SGMS1: variants seen among roughly 807,000 people sequenced by gnomAD.
SGMS1 encodes sphingomyelin synthase 1.
SGMS1 carries 13 observed loss-of-function variants against 46.2 expected under a neutral mutation model. The observed-to-expected ratio is 0.28, with a 90% CI of 0.18 to 0.45. The LOEUF is 0.45. SGMS1 is among the 20% of genes least tolerant of loss of function. The pLI, the probability that SGMS1 is intolerant of heterozygous loss-of-function variation, is 1.00. For missense variants in SGMS1, 324 were observed against 519.9 expected (o/e 0.62, Z 3.66); for synonymous variants, 203 against 187.8 (o/e 1.08, Z -0.66).
intron 2 of SGMS1, among the ~76,000 whole-genome samples, chr10:50,584,429 G>A (rs1838463457): frequency 6.6e-6 from 1 of 150,424 alleles, no homozygotes; most frequent in Non-Finnish European, 1.5e-5. Context: ...AACCCGGGAG[G>A]CAGAGGTTGT....
At position 50,359,930 on chromosome 10, in the gene SGMS1, A is replaced by C. The variant is rs116661467; in HGVS notation, c.-231-15585T>G. Among the ~76,000 whole-genome samples, 823 of 152,314 alleles carry C rather than the reference A, an allele frequency of 5.4e-3. 5 individuals carry two copies. Among genetic ancestry groups the C allele is most frequent in the African/African-American group, 0.019 (807 of 41,574 alleles). Reference sequence around the variant, plus strand: ...TTAACCCTTACCTCTGGGTAATAGAATTATGAAATAAATTTCTGCTTTACT... The same window carrying C: ...TTAACCCTTACCTCTGGGTAATAGACTTATGAAATAAATTTCTGCTTTACT... On this transcript the variant is annotated intron_variant, in intron 6 of 10. Coordinates refer to ENST00000361781, the MANE Select transcript of SGMS1 (RefSeq NM_147156.4).
chr10:50,539,740 C>G (rs113147907), intron 2 of SGMS1, among the ~76,000 whole-genome samples: 20 of 152,282 alleles, frequency 1.3e-4, no homozygotes, highest in African/African-American at 4.8e-4. Flanking sequence ...AAATGAGCAT[C>G]TTCTTCTTGA....
chr10:50,605,380 T>C (rs1247190325), intron 1 of SGMS1, among the ~76,000 whole-genome samples: 2 of 152,148 alleles, frequency 1.3e-5, no homozygotes, highest in Non-Finnish European at 2.9e-5. Context: ...CTGAAATAAA[T>C]CATATCTGCA....
rs761438319 is a variant in SGMS1 at position 50,343,662 on chromosome 10, C to A, written c.453G>T (p.Val151=). The change falls in exon 7 of 11, where the codon GTG becomes GTT. Residue 151 remains valine, a synonymous_variant. Transcript: ENST00000361781. Reference sequence around the variant, plus strand: ...CTCGTTCGTGGACGACCGAGATCATCACTGTGGTGAGAACGAAACAGGAAA... The same window carrying A: ...CTCGTTCGTGGACGACCGAGATCATAACTGTGGTGAGAACGAAACAGGAAA... ...YALSCFVLTT[V]MISVVHERVP... 1 of 1,614,186 alleles carries A rather than the reference C, an allele frequency of 6.2e-7. No individual in the cohort carries two copies. The highest frequency in any genetic ancestry group is 8.5e-7 in the Non-Finnish European group (1 of 1,180,044).
At chr10:50,448,303 A>T (rs1321032117) in intron 5 of SGMS1, among the ~76,000 whole-genome samples, 1 of 152,170 alleles carries the variant, frequency 6.6e-6, no homozygotes, top group Non-Finnish European at 1.5e-5. Context: ...AGAAGAGTAT[A>T]TTTTTTAACA....
intron 7 of SGMS1, among the ~76,000 whole-genome samples, chr10:50,331,964 T>A (rs1847630380): frequency 6.6e-6 from 1 of 152,204 alleles, no homozygotes; most frequent in South Asian, 2.1e-4. Context: ...CAGTCTACGA[T>A]ATTTTGTTAT....
intron 3 of SGMS1, among the ~76,000 whole-genome samples, chr10:50,515,028 T>C (rs948748502): frequency 6.6e-5 from 10 of 152,050 alleles, no homozygotes; most frequent in African/African-American, 2.4e-4. Context: ...GAAGAACAGG[T>C]TGGAGAGGAA....
chr10:50,308,873 C>T (rs572297598), intron 9 of SGMS1, among the ~76,000 whole-genome samples: 86 of 152,302 alleles, frequency 5.6e-4, no homozygotes, highest in Non-Finnish European at 1.0e-3. Context: ...TCTATACTCT[C>T]TACACCAGCA....
At chr10:50,550,840 C>T (rs1838142510) in intron 2 of SGMS1, among the ~76,000 whole-genome samples, 1 of 152,124 alleles carries the variant, frequency 6.6e-6, no homozygotes, top group South Asian at 2.1e-4. Flanking sequence ...GTAAGAACTC[C>T]CGAAGGCCAA....
chr10:50,597,396 A>G (rs7089882), intron 1 of SGMS1, among the ~76,000 whole-genome samples: 116,359 of 152,198 alleles, frequency 0.76, 45,418 homozygotes, highest in African/African-American at 0.93. Context: ...GGGTGAATAC[A>G]TATGCAAACC....
intron 5 of SGMS1, among the ~76,000 whole-genome samples, chr10:50,446,489 C>A (rs1283091335): frequency 6.6e-6 from 1 of 152,170 alleles, no homozygotes; most frequent in Admixed American, 6.5e-5. Context: ...CAATAATGTT[C>A]ACAGTAGTTA....
intron 1 of SGMS1, among the ~76,000 whole-genome samples, chr10:50,612,429 G>A (rs768676023): frequency 6.6e-6 from 1 of 152,194 alleles, no homozygotes; most frequent in Non-Finnish European, 1.5e-5. Context: ...GGGGAAGGTA[G>A]TGCTGAAATC....
chr10:50,462,440 A>G (rs1736003814), intron 4 of SGMS1, among the ~76,000 whole-genome samples: 1 of 152,232 alleles, frequency 6.6e-6, no homozygotes, highest in Non-Finnish European at 1.5e-5. Context: ...ATTACAGACA[A>G]TAATCTCAGT....
chr10:50,369,521 T>A (rs1848400423), intron 6 of SGMS1, among the ~76,000 whole-genome samples: 1 of 150,068 alleles, frequency 6.7e-6, no homozygotes, highest in African/African-American at 2.5e-5. Context: ...AAAATAAAAA[T>A]TACAAATAGG....
At chr10:50,496,764 C>T (rs370094705) in intron 3 of SGMS1, among the ~76,000 whole-genome samples, 15 of 152,226 alleles carry the variant, frequency 9.9e-5, no homozygotes, top group African/African-American at 3.4e-4. Flanking sequence ...TCATTATGAG[C>T]TGTGTGATCT....
chr10:50,625,175 G>C (rs991162791), upstream of SGMS1: 8 of 576,984 alleles, frequency 1.4e-5, no homozygotes, highest in Non-Finnish European at 1.8e-5. Flanking sequence ...CGGCGAAATC[G>C]AGACAACAGA....
At chr10:50,533,871 C>T (rs1837976506) in intron 2 of SGMS1, among the ~76,000 whole-genome samples, 1 of 152,066 alleles carries the variant, frequency 6.6e-6, no homozygotes, top group Admixed American at 6.6e-5. Context: ...TATAATATGA[C>T]ATCCTCTGCT....
In SGMS1 at chr10:50,312,589, C is replaced by T. The variant is rs538425217; in HGVS notation, c.742-1174G>A. Among the ~76,000 whole-genome samples the T allele has an allele frequency of 7.9e-5, 12 of 152,260 alleles. No individual in the cohort carries two copies. In the East Asian group the frequency reaches 1.5e-3, roughly 20 times the overall value. On this transcript the variant is annotated intron_variant, in intron 8 of 10. Transcript: ENST00000361781. ...AAAAGCCACACTGAAAAACAGAAAG[C>T]TTTGAGAAAATGCCTTTAGATTTTG...
chr10:50,571,348 C>T (rs755195688), intron 2 of SGMS1, among the ~76,000 whole-genome samples: 10 of 152,152 alleles, frequency 6.6e-5, no homozygotes, highest in Non-Finnish European at 1.3e-4. Context: ...ATAGTTAAGA[C>T]TTTAAAGGAA....
Sources: gnomAD v4.1 joint callset for allele counts (sites outside exome capture counted in the v4.1 genomes callset) on GRCh38, gnomAD v4.1.1 for gene constraint, MANE v1.5 for transcripts, NCBI Gene and HGNC (gene_info 2026-07-23, HGNC 2026-07-21) for gene names.